Variants in FXYD5 observed in about 807,000 individuals in gnomAD.
FXYD5 encodes the protein FXYD domain containing ion transport regulator 5.
A neutral mutation model predicts 25.7 loss-of-function variants in FXYD5; 21 were observed. The ratio of observed to expected loss-of-function variants is 0.82; its 90% CI spans 0.58 to 1.18. FXYD5 has a LOEUF of 1.18. FXYD5 is among the 50% of genes most tolerant of loss of function. FXYD5 has a pLI of 0.00. For missense variants in FXYD5, 229 were observed against 227.7 expected, an observed-to-expected ratio of 1.01 and a Z score of -0.04; for synonymous variants, 101 against 90.7, an observed-to-expected ratio of 1.11 and a Z score of -0.64.
chr19:35,158,432 G>A (rs148603143), intron 4 of FXYD5, 32 bp downstream of exon 4: 14,215 of 1,343,524 alleles, frequency 0.011, 114 homozygotes, highest in Middle Eastern at 0.014. Context: ...GGCGGGGACA[G>A]GACCAAGACA....
At chr19:35,167,041 A>G (rs113516539) in intron 8 of FXYD5, among the ~76,000 whole-genome samples, 66 of 152,324 alleles carry the variant, frequency 4.3e-4, no homozygotes, top group African/African-American at 1.5e-3. Context: ...GCAAGAATAG[A>G]GGCTTGAAGC....
chr19:35,162,652 C>CCTCCCAAAGGCCCTCG (rs1242938408), intron 5 of FXYD5, among the ~76,000 whole-genome samples: 1 of 152,080 alleles, frequency 6.6e-6, no homozygotes, highest in East Asian at 1.9e-4. Flanking sequence ...ACCCTAATTA[C>CCTCCCAAAGGCCCTCG]CTCCCAAAGG....
At chr19:35,155,674 G>A (rs2065347582) in intron 2 of FXYD5, 63 bp downstream of exon 2, 1 of 1,213,934 alleles carries the variant, frequency 8.2e-7, no homozygotes, top group African/African-American at 1.5e-5. Flanking sequence ...CCCCACGTGT[G>A]CTGCGGGGTG....
intron 2 of FXYD5, among the ~76,000 whole-genome samples, 186 bp downstream of exon 2, chr19:35,155,797 G>A (rs1297097498): frequency 1.3e-5 from 2 of 152,220 alleles, no homozygotes; most frequent in Non-Finnish European, 2.9e-5. Context: ...GGACACCTCA[G>A]ACCCGGGTGG....
At chr19:35,163,671 G>A (rs372420470) in intron 5 of FXYD5, among the ~76,000 whole-genome samples, 9 of 152,072 alleles carry the variant, frequency 5.9e-5, no homozygotes, top group Non-Finnish European at 8.8e-5. Context: ...TAGTAGAGGC[G>A]GGGTTTCACC....
At chr19:35,164,008 G>T (rs1436244414) in intron 5 of FXYD5, 148 bp from the exon 6 acceptor site, 1 of 1,509,284 alleles carries the variant, frequency 6.6e-7, no homozygotes, top group Non-Finnish European at 8.9e-7. Context: ...TTGCCTCTAG[G>T]TGTGGAGTAG....
intron 4 of FXYD5, among the ~76,000 whole-genome samples, chr19:35,158,696 G>C (rs1053617847): frequency 1.3e-5 from 2 of 152,130 alleles, no homozygotes; most frequent in African/African-American, 4.8e-5. Context: ...CCGGGTCAAG[G>C]AGCAGAACTT....
intron 8 of FXYD5, chr19:35,166,606 A>T (rs1017626398): frequency 2.2e-6 from 1 of 446,858 alleles, no homozygotes; most frequent in Admixed American, 3.9e-5. Flanking sequence ...GGTCAGCAGG[A>T]AACTTTGTTT....
intron 5 of FXYD5, among the ~76,000 whole-genome samples, chr19:35,162,349 A>G (rs2065413885): frequency 6.6e-6 from 1 of 152,188 alleles, no homozygotes; most frequent in Non-Finnish European, 1.5e-5. Context: ...GACTTCACCT[A>G]GGGTTTTAAT....
intron 8 of FXYD5, chr19:35,166,773 G>A (rs2065454668): frequency 1.6e-5 from 3 of 186,948 alleles, no homozygotes; most frequent in Middle Eastern, 2.1e-3. Context: ...GTCAAAGCAA[G>A]TCATGAGGCT....
rs1048110866 is a variant in FXYD5, at chr19:35,160,869, C to T, written c.292+68C>T. 4.2e-6 allele frequency: 4 copies of T among 946,920 alleles called. No individual in the cohort carries two copies. The African/African-American group carries it at 4.9e-5, about 12-fold the overall frequency. The allele number at this position is 946,920 out of a possible 1,614,324, so 58.7% of individuals were successfully genotyped here. On this transcript the variant is annotated intron_variant, in intron 5 of 8. Transcript: ENST00000392219. ...AATTCTCTATCTAGGTCAACATTTC[C>T]CTCAGTACGTTTCTCAGTGCCCCTG...
intron 2 of FXYD5, among the ~76,000 whole-genome samples, chr19:35,156,435 C>T (rs756189291): frequency 6.6e-6 from 1 of 152,162 alleles, no homozygotes; most frequent in Non-Finnish European, 1.5e-5. Context: ...TGGAGAGAGA[C>T]AAGTTAGTAA....
At chr19:35,155,432 G>A (rs2065344212) in intron 1 of FXYD5, 119 bp from the exon 2 acceptor site, 2 of 808,138 alleles carry the variant, frequency 2.5e-6, no homozygotes, top group South Asian at 2.8e-5. Context: ...CCTGGCAGGG[G>A]GTCTTGGAAG....
rs1277377614 is a variant in FXYD5 at position 35,158,376 on chromosome 19, C to A, written c.175C>A (p.Pro59Thr). The change falls in exon 4 of 9, where the codon CCA becomes ACA. Residue 59 changes from proline to threonine, a missense_variant. Coordinates refer to ENST00000392219, the MANE Select transcript of FXYD5 (RefSeq NM_014164.6). ...CTACACAGAACTCCAGCCCACCTCT[C>A]CAACCCCAACCTGGCCTGCTGATGG... ...AVYTELQPTS[P>T]TPTWPADETP... 67 of 1,606,888 alleles carry A rather than the reference C, an allele frequency of 4.2e-5. No homozygotes were observed. The East Asian group carries it at 8.5e-4, about 20-fold the overall frequency.
Position 35,157,404 on chromosome 19 carries a change from C to T in FXYD5, c.62-17C>T, listed in dbSNP as rs1184393588. On this transcript the variant is annotated splice_polypyrimidine_tract_variant and intron_variant, in intron 2 of 8. Coordinates refer to ENST00000392219, the MANE Select transcript of FXYD5 (RefSeq NM_014164.6). ...GGGACCAGGCTCCCTCCTGACTTCT[C>T]ATCCTTGATTCCCCAGGACAGACGT... 6.8e-7 allele frequency: 1 copy of T among 1,475,040 alleles called. No individual in the cohort carries two copies. Among genetic ancestry groups the T allele is most frequent in the East Asian group, 2.3e-5 (1 of 43,842 alleles). The allele number at this position is 1,475,040 out of a possible 1,614,324, so 91.4% of individuals were successfully genotyped here. A position where few individuals can be genotyped will look rare whatever the true frequency, so the allele number is the denominator to read the frequency against.
intron 8 of FXYD5, among the ~76,000 whole-genome samples, chr19:35,166,947 G>A (rs2065456224): frequency 6.6e-6 from 1 of 152,130 alleles, no homozygotes; most frequent in Admixed American, 6.5e-5. Context: ...GGCCTGGCAG[G>A]GAACAAGGGC....
rs1203656242 is a variant in FXYD5 at position 35,166,100 on chromosome 19, AC to A, written c.383-40del. On this transcript the variant is annotated intron_variant, in intron 6 of 8. Transcript: ENST00000392219. ...TGCCATTCACGTATTCACTTCACAA[AC>A]CTTTGCTGAACCCTGACTTGCTCTT... The A allele has an allele frequency of 2.5e-6, 4 of 1,608,256 alleles. No individual in the cohort carries two copies. The African/African-American group carries it at 5.4e-5, about 22-fold the overall frequency.
At position 35,166,161 on chromosome 19, in the gene FXYD5, C is replaced by G. The variant is rs141819050; in HGVS notation, c.402C>G (p.Pro134=). The G allele has an allele frequency of 2.5e-6, 4 of 1,613,982 alleles. No homozygotes were observed. In the South Asian group the frequency reaches 4.4e-5, roughly 18 times the overall value. The change falls in exon 7 of 9, where the codon CCC becomes CCG. Residue 134 remains proline (P), a synonymous_variant. Transcript: ENST00000392219. Reference sequence around the variant, plus strand: ...CTCCAGGTTTTCATGAGGATGACCCCTTCTTCTATGGTAAGTTATCCACAG... The same window carrying G: ...CTCCAGGTTTTCATGAGGATGACCCGTTCTTCTATGGTAAGTTATCCACAG... The part of the protein sequence containing the change: ...LKPSGFHEDD[P]FFYDEHTLRK...
At position 35,157,865 on chromosome 19, in the gene FXYD5, G is replaced by A. The variant is rs149523939; in HGVS notation, c.142+364G>A. Among the ~76,000 whole-genome samples the A allele has an allele frequency of 9.9e-3, 1,506 of 152,260 alleles. 11 individuals are homozygous for A. The highest frequency in any genetic ancestry group is 0.015 in the Non-Finnish European group (1,023 of 68,022). ...AGTTATCTTTGGCCAGGCTCAGGTC[G>A]TATCCCTGAGCTGGCCACTGTGGCC... On this transcript the variant is annotated intron_variant, in intron 3 of 8. Coordinates refer to ENST00000392219, the MANE Select transcript of FXYD5 (RefSeq NM_014164.6).
Sources: allele counts gnomAD v4.1 joint callset (sites outside exome capture counted in the v4.1 genomes callset), GRCh38; gene constraint gnomAD v4.1.1; transcripts MANE v1.5; gene names NCBI Gene and HGNC (gene_info 2026-07-23, HGNC 2026-07-21).